DIDO1: variants seen among roughly 807,000 people sequenced by gnomAD.
The protein encoded by DIDO1 is death inducer-obliterator 1.
A neutral mutation model predicts 99.4 loss-of-function variants in DIDO1; 16 were observed. The ratio of observed to expected loss-of-function variants is 0.16; its 90% CI spans 0.11 to 0.24. The LOEUF is 0.24. Among genes scored for constraint, DIDO1 ranks in the 10% least tolerant of loss-of-function variants. The pLI, the probability that DIDO1 is intolerant of heterozygous loss-of-function variation, is 1.00. For synonymous variants in DIDO1, 1,366 were observed against 1,239.1 expected, an observed-to-expected ratio of 1.10 and a Z score of -2.15; for missense variants, 2,996 against 3,014.0, an observed-to-expected ratio of 0.99 and a Z score of 0.14.
chr20:62,878,976 G>GA lies in DIDO1; in HGVS notation c.*256dup, dbSNP rs1256941342. 5.0e-6 allele frequency: 2 copies of GA among 398,814 alleles called. No homozygotes were observed. Among genetic ancestry groups the GA allele is most frequent in the South Asian group, 8.3e-5 (1 of 11,996 alleles). 24.7% of individuals were successfully genotyped at this position (398,814 alleles called of 1,614,324 possible). ...TTATTGGAAAAGATAACTATGATCT[G>GA]AAAAGCAATATGCTCCGTAGGCAAT... is the stretch of plus-strand genomic sequence containing the variant. On this transcript the variant is annotated 3_prime_UTR_variant, in exon 16 of 16. Transcript: ENST00000395343.
chr20:62,881,993 G>C lies in DIDO1; in HGVS notation c.3963C>G (p.Leu1321=), dbSNP rs746822914. 6.2e-7 allele frequency: 1 copy of C among 1,613,508 alleles called. No individual in the cohort carries two copies. The highest frequency in any genetic ancestry group is 1.1e-5 in the South Asian group (1 of 91,074). Reference sequence around the variant, plus strand: ...GGTCGAATGATTTCTTCTTTCCAAAGAGAGTCTGCAGGATGTGCTCCAGCG... The same window carrying C: ...GGTCGAATGATTTCTTCTTTCCAAACAGAGTCTGCAGGATGTGCTCCAGCG... ...ASPLEHILQT[L]FGKKKSFDPS... is the part of the protein sequence containing the mutation. The change falls in exon 16 of 16, where the codon CTC becomes CTG. Residue 1321 remains leucine (L), a synonymous_variant. Coordinates refer to ENST00000395343, the MANE Select transcript of DIDO1 (RefSeq NM_001193369.2). This position sits in a 1 kb window ranked among gnomAD's most constrained non-coding sequence, Gnocchi z 8.3.
intron 1 of DIDO1, among the ~76,000 whole-genome samples, chr20:62,921,932 A>C (rs982520388): frequency 1.0e-4 from 15 of 149,312 alleles, no homozygotes; most frequent in African/African-American, 2.5e-4. Context: ...TATATGTCCA[A>C]AATATATATA....
At chr20:62,931,949 T>C (rs1029588065) in intron 1 of DIDO1, among the ~76,000 whole-genome samples, 36 of 152,274 alleles carry the variant, frequency 2.4e-4, no homozygotes, top group Non-Finnish European at 4.7e-4. Flanking sequence ...AACAAAATGG[T>C]AAAACTGAGA....
rs374356514 is a variant in DIDO1, at chr20:62,889,712, C to A, written c.3541+1248G>T. On this transcript the variant is annotated intron_variant, in intron 15 of 15. Transcript: ENST00000395343. The stretch of plus-strand genomic sequence containing the variant: ...TCACAAGCAACACCAAGAACCTCTA[C>A]CAGGGTCCTTTCTGCCACCCATTAG... The A allele has an allele frequency of 3.0e-6, 3 of 985,438 alleles. No homozygotes were observed. In the African/African-American group the frequency reaches 5.2e-5, roughly 17 times the overall value. 61.0% of individuals were successfully genotyped at this position (985,438 alleles called of 1,614,324 possible).
intron 5 of DIDO1, among the ~76,000 whole-genome samples, chr20:62,906,769 G>A (rs1014655456): frequency 2.6e-5 from 4 of 151,980 alleles, no homozygotes; most frequent in East Asian, 1.9e-4. Context: ...TCTGAGAGCC[G>A]GGTCTTAAAT....
Position 62,910,864 on chromosome 20 carries a change from T to G in DIDO1, c.749A>C (p.Glu250Ala). ...CTTCGGTCGGCCCAAGTCTCCAGGCTCCTCATCTTTGATGTCCTGAGCCGC... is the reference window on the plus strand; with the variant it reads ...CTTCGGTCGGCCCAAGTCTCCAGGCGCCTCATCTTTGATGTCCTGAGCCGC... ...GKAAQDIKDE[E>A]PGDLGRPKPE... The change falls in exon 3 of 16, where the codon GAG becomes GCG. Residue 250 changes from glutamate (E) to alanine (A), a missense_variant. Physicochemically the swap from Glu to Ala is moderately radical, Grantham distance 107. Around this residue, in one of 5 missense-constraint regions of DIDO1, gnomAD observed 388 missense variants for 376.6 expected, o/e 1.03. Transcript: ENST00000395343. 1 of 1,613,862 alleles carries G rather than the reference T, an allele frequency of 6.2e-7. No homozygotes were observed. Among genetic ancestry groups the G allele is most frequent in the Non-Finnish European group, 8.5e-7 (1 of 1,179,806 alleles).
intron 13 of DIDO1, 81 bp downstream of exon 13, chr20:62,892,728 G>A: frequency 6.7e-7 from 1 of 1,495,928 alleles, no homozygotes; most frequent in Middle Eastern, 1.8e-4. Context: ...ATGAATTAAG[G>A]GAGAAAGTCA....
chr20:62,894,013 A>G lies in DIDO1; in HGVS notation c.2754T>C (p.Ser918=), dbSNP rs754435456. The G allele has an allele frequency of 2.5e-6, 4 of 1,614,090 alleles. No individual in the cohort carries two copies. In the African/African-American group the frequency reaches 5.3e-5, roughly 22 times the overall value. The change falls in exon 12 of 16, where the codon AGT becomes AGC. Residue 918 remains serine (S), a synonymous_variant. Transcript: ENST00000395343. The surrounding 1 kb of genome is among the most constrained non-coding windows in gnomAD (Gnocchi z 4.4). The part of the protein sequence containing the change: ...PEVASEPGLE[S]ASHPNVDRTY... ...TTCTGTCCACATTTGGATGAGAAGC[A>G]CTTTCTAGGCCTGGCTCAGAGGCAA...
In DIDO1 at chr20:62,888,372, G is replaced by A. The variant is rs183760492; in HGVS notation, c.3541+2588C>T. On this transcript the variant is annotated intron_variant, in intron 15 of 15. Transcript: ENST00000395343. ...CCCACATCAGTGCCCTGATGCAGACGGGCAGCTCAAGGCTGGGGCGCCAGG... is the reference window on the plus strand; with the variant it reads ...CCCACATCAGTGCCCTGATGCAGACAGGCAGCTCAAGGCTGGGGCGCCAGG... 1.9e-4 allele frequency: 191 copies of A among 985,458 alleles called. 2 individuals carry two copies. In the East Asian group the frequency reaches 0.012, roughly 63 times the overall value. The allele number at this position is 985,458 out of a possible 1,614,324, so 61.0% of individuals were successfully genotyped here. A position where few individuals can be genotyped will look rare whatever the true frequency, so the allele number is the denominator to read the frequency against.
chr20:62,930,711 G>A (rs938515620), upstream of DIDO1, among the ~76,000 whole-genome samples: 3 of 152,346 alleles, frequency 2.0e-5, no homozygotes, highest in East Asian at 3.9e-4. Flanking sequence ...CTTATCATTT[G>A]TATGTTACCA....
chr20:62,891,728 C>CA (rs746017071), intron 14 of DIDO1, among the ~76,000 whole-genome samples: 1 of 151,258 alleles, frequency 6.6e-6, no homozygotes, highest in Non-Finnish European at 1.5e-5. Context: ...GCGGCACACT[C>CA]AGACACCTTC....
intron 1 of DIDO1, among the ~76,000 whole-genome samples, chr20:62,923,637 A>G (rs1824078114): frequency 6.6e-6 from 1 of 152,228 alleles, no homozygotes. Flanking sequence ...TTTTCTGGAC[A>G]GCACCCTTTC....
At chr20:62,925,045 C>A (rs2065226723) in intron 1 of DIDO1, among the ~76,000 whole-genome samples, 1 of 152,176 alleles carries the variant, frequency 6.6e-6, no homozygotes. Flanking sequence ...GTCTGTCTTC[C>A]TGGGTGACAC....
chr20:62,913,522 C>T (rs1019733468), intron 2 of DIDO1, among the ~76,000 whole-genome samples: 8 of 152,258 alleles, frequency 5.3e-5, no homozygotes, highest in African/African-American at 1.9e-4. Context: ...TATTAAACCA[C>T]ATCAGTTAAA....
Position 62,880,545 on chromosome 20 carries a change from T to A in DIDO1, c.5411A>T (p.Lys1804Met), listed in dbSNP as rs933996933. Residue 1804 changes from lysine to methionine, a missense_variant, in exon 16 of 16, where the codon AAG becomes ATG. Physicochemically the swap from Lys to Met is moderately conservative, Grantham distance 95. This residue lies in a region of DIDO1 where 1,562 missense variants were observed against 1,412.6 expected (regional missense o/e 1.11). Transcript: ENST00000395343. ...GPPPARFGAQ[K>M]GPIPSLFSGQ... Reference sequence around the variant, plus strand: ...CGAGAATAAGGAAGGGATGGGCCCCTTCTGGGCTCCGAATCTGGCTGGCGG... The same window carrying A: ...CGAGAATAAGGAAGGGATGGGCCCCATCTGGGCTCCGAATCTGGCTGGCGG... The A allele has an allele frequency of 1.9e-6, 3 of 1,612,906 alleles. No individual in the cohort carries two copies. In the African/African-American group the frequency reaches 4.0e-5, roughly 22 times the overall value.
chr20:62,901,969 A>T (rs2064693363), intron 6 of DIDO1, among the ~76,000 whole-genome samples: 1 of 151,784 alleles, frequency 6.6e-6, no homozygotes, highest in Admixed American at 6.6e-5. Context: ...TTTCCCGAGT[A>T]TTCATCTTTA....
Position 62,880,537 on chromosome 20 carries a change from T to C in DIDO1, c.5419A>G (p.Ile1807Val). Residue 1807 changes from isoleucine (I) to valine (V), a missense_variant, in exon 16 of 16, where the codon ATC becomes GTC. By Grantham distance (29) the Ile-to-Val change is conservative. Around this residue, in one of 5 missense-constraint regions of DIDO1, gnomAD observed 1,562 missense variants for 1,412.6 expected, o/e 1.11. Transcript: ENST00000395343. ...PARFGAQKGP[I>V]PSLFSGQHGP... is the part of the protein sequence containing the mutation. ...TGTTGCCCCGAGAATAAGGAAGGGA[T>C]GGGCCCCTTCTGGGCTCCGAATCTG... 6.2e-7 allele frequency: 1 copy of C among 1,612,864 alleles called. No homozygotes were observed. The highest frequency in any genetic ancestry group is 1.1e-5 in the South Asian group (1 of 91,062).
rs1405283775 is a variant in DIDO1 at position 62,881,386 on chromosome 20, G to A, written c.4570C>T (p.Pro1524Ser). The change falls in exon 16 of 16, where the codon CCA becomes TCA. Residue 1524 changes from proline to serine, a missense_variant. Physicochemically the swap from Pro to Ser is moderately conservative, Grantham distance 74. Transcript: ENST00000395343. The surrounding 1 kb of genome is among the most constrained non-coding windows in gnomAD (Gnocchi z 8.3). ...FSVSDALMSPPPKSSLPKAEL... is the reference protein window; with the variant it reads ...FSVSDALMSPSPKSSLPKAEL... ...GCCTTGGGCAAGGACGACTTTGGTGGTGGAGACATCAAGGCGTCCGACACC... is the reference window on the plus strand; with the variant it reads ...GCCTTGGGCAAGGACGACTTTGGTGATGGAGACATCAAGGCGTCCGACACC... 6 of 1,607,090 alleles carry A rather than the reference G, an allele frequency of 3.7e-6. No individual in the cohort carries two copies. The highest frequency in any genetic ancestry group is 5.1e-6 in the Non-Finnish European group (6 of 1,179,922).
chr20:62,880,744 G>C lies in DIDO1; in HGVS notation c.5212C>G (p.Pro1738Ala), dbSNP rs560967823. 16 of 1,612,722 alleles carry C rather than the reference G, an allele frequency of 9.9e-6. No homozygotes were observed. The East Asian group carries it at 3.3e-4, about 34-fold the overall frequency. The change falls in exon 16 of 16, where the codon CCA becomes GCA. Residue 1738 changes from proline to alanine, a missense_variant. Physicochemically the swap from Pro to Ala is conservative, Grantham distance 27 (BLOSUM62 -1). Around this residue, in one of 5 missense-constraint regions of DIDO1, gnomAD observed 1,562 missense variants for 1,412.6 expected, o/e 1.11. Transcript: ENST00000395343. ...GAGCCCCCCACTTTCTGTCCTGGTGGGGGGAGCGGGGCGGTGCCCTCGCCG... is the reference window on the plus strand; with the variant it reads ...GAGCCCCCCACTTTCTGTCCTGGTGCGGGGAGCGGGGCGGTGCCCTCGCCG... ...RPGEGTAPLPPPGQKVGGSQP... is the reference protein window; with the variant it reads ...RPGEGTAPLPAPGQKVGGSQP...
Sources: allele counts gnomAD v4.1 joint callset (sites outside exome capture counted in the v4.1 genomes callset), GRCh38; gene constraint gnomAD v4.1.1; regional missense constraint gnomAD v4.1.1; non-coding constraint Gnocchi (gnomAD v3.1); transcripts MANE v1.5; gene names NCBI Gene and HGNC (gene_info 2026-07-23, HGNC 2026-07-21).